The following PCMTD1 variants were observed in gnomAD, a reference collection of about 807,000 sequenced individuals.
PCMTD1 encodes protein-L-isoaspartate (D-aspartate) O-methyltransferase domain containing 1.
PCMTD1 carries 12 observed loss-of-function variants against 37.6 expected under a neutral mutation model. The ratio of observed to expected loss-of-function variants is 0.32; its 90% confidence interval spans 0.20 to 0.52. PCMTD1 has a LOEUF of 0.52. PCMTD1 is among the 20% of genes least tolerant of loss of function. The pLI is 0.97. For synonymous variants in PCMTD1, 117 were observed against 135.8 expected (o/e 0.86, Z 0.96); for missense variants, 235 against 421.3 (o/e 0.56, Z 3.87).
chr8:51,870,538 TTAAG>T (rs1010494686), intron 1 of PCMTD1: 3 of 152,224 alleles, frequency 2.0e-5, no homozygotes, highest in African/African-American at 7.2e-5. Context: ...TAAATTTTGT[TTAAG>T]TAGTGATAAC....
chr8:51,826,511 A>C (rs770708351), intron 5 of PCMTD1, among the ~76,000 whole-genome samples: 2 of 152,194 alleles, frequency 1.3e-5, no homozygotes, highest in Non-Finnish European at 2.9e-5. Flanking sequence ...CCCAGAACTT[A>C]AAATATAATA....
At chr8:51,828,863 T>C (rs2037959580) in intron 5 of PCMTD1, among the ~76,000 whole-genome samples, 1 of 152,206 alleles carries the variant, frequency 6.6e-6, no homozygotes, top group African/African-American at 2.4e-5. Context: ...GATACCAGTT[T>C]TTGACTAGAC....
intron 2 of PCMTD1, among the ~76,000 whole-genome samples, chr8:51,852,189 T>C (rs1440186839): frequency 6.6e-6 from 1 of 152,238 alleles, no homozygotes; most frequent in African/African-American, 2.4e-5. Context: ...GAGATGTGTC[T>C]TGAACACTTC....
chr8:51,851,839 G>A (rs979935669), intron 2 of PCMTD1, among the ~76,000 whole-genome samples: 1 of 151,934 alleles, frequency 6.6e-6, no homozygotes, highest in Non-Finnish European at 1.5e-5. Flanking sequence ...TAGTAGGCAC[G>A]GGGTTTCTCC....
Position 51,899,010 on chromosome 8 carries a change from A to G in PCMTD1, c.-176T>C, listed in dbSNP as rs906346774. 4 of 1,512,890 alleles carry G rather than the reference A, an allele frequency of 2.6e-6. No individual in the cohort carries two copies. Among genetic ancestry groups the G allele is most frequent in the East Asian group, 2.6e-5 (1 of 38,638 alleles). 93.7% of individuals were successfully genotyped at this position (1,512,890 alleles called of 1,614,324 possible). The stretch of plus-strand genomic sequence containing the variant: ...GCAGCCAGACGCCGCTACCACCACA[A>G]TAACAACACGGACGCCACCGCCGAG... On this transcript the variant is annotated 5_prime_UTR_variant, in exon 1 of 6. Coordinates refer to ENST00000522514, the MANE Select transcript of PCMTD1 (RefSeq NM_052937.4).
chr8:51,831,225 G>A (rs1214808693), intron 5 of PCMTD1, among the ~76,000 whole-genome samples: 2 of 151,890 alleles, frequency 1.3e-5, no homozygotes, highest in Non-Finnish European at 1.5e-5. Context: ...TTGAACCCAG[G>A]AGGCAGACGT....
At chr8:51,851,444 G>C (rs180971091) in intron 2 of PCMTD1, among the ~76,000 whole-genome samples, 1 of 152,076 alleles carries the variant, frequency 6.6e-6, no homozygotes, top group Admixed American at 6.5e-5. Context: ...CAGATGTCAC[G>C]ATTAGTTCAT....
intron 2 of PCMTD1, chr8:51,850,210 A>C (rs184376374): frequency 9.0e-4 from 544 of 606,978 alleles, no homozygotes; most frequent in African/African-American, 7.0e-3. Flanking sequence ...GTATAATAGT[A>C]GTCCCTGGGA....
chr8:51,837,248 A>G (rs958509280), intron 3 of PCMTD1, among the ~76,000 whole-genome samples: 1 of 152,116 alleles, frequency 6.6e-6, no homozygotes, highest in Non-Finnish European at 1.5e-5. Flanking sequence ...AGTAATTGCA[A>G]CTCCACTTCT....
chr8:51,822,586 A>C (rs1373698685), intron 5 of PCMTD1, among the ~76,000 whole-genome samples: 1 of 152,234 alleles, frequency 6.6e-6, no homozygotes, highest in African/African-American at 2.4e-5. Flanking sequence ...CACCATTTTC[A>C]ATGTTTTACA....
chr8:51,830,722 T>A (rs1331582968), intron 5 of PCMTD1, among the ~76,000 whole-genome samples: 1 of 152,256 alleles, frequency 6.6e-6, no homozygotes, highest in Admixed American at 6.5e-5. Context: ...AAGCCTTTTG[T>A]ATTTATTGTC....
intron 1 of PCMTD1, among the ~76,000 whole-genome samples, chr8:51,891,511 G>GC (rs1461079672): frequency 6.6e-6 from 1 of 151,738 alleles, no homozygotes; most frequent in Non-Finnish European, 1.5e-5. Context: ...AGCCGAGATC[G>GC]CACTACTGCA....
chr8:51,879,766 A>C (rs2129291714), intron 1 of PCMTD1, among the ~76,000 whole-genome samples: 1 of 152,382 alleles, frequency 6.6e-6, no homozygotes. Flanking sequence ...TATCTGGCAA[A>C]GCACACAGTA....
At chr8:51,898,358 GT>G (rs1310675315) in intron 1 of PCMTD1, among the ~76,000 whole-genome samples, 55 of 152,208 alleles carry the variant, frequency 3.6e-4, no homozygotes, top group African/African-American at 1.2e-3. Context: ...CCCCGGAACG[GT>G]AGTAGACGCT....
intron 3 of PCMTD1, among the ~76,000 whole-genome samples, chr8:51,834,950 C>T (rs1360344694): frequency 3.9e-5 from 6 of 152,146 alleles, no homozygotes; most frequent in Admixed American, 3.9e-4. Flanking sequence ...ATTTCTTTTA[C>T]TATAACTGTC....
Position 51,841,463 on chromosome 8 carries a change from T to C in PCMTD1, c.410+4198A>G, listed in dbSNP as rs78789309. Among the ~76,000 whole-genome samples the C allele has an allele frequency of 1.3e-3, 202 of 152,326 alleles. 1 individual carries two copies. The highest frequency in any genetic ancestry group is 4.6e-3 in the African/African-American group (192 of 41,590). ...TAAGTCACCTAAAAGGGGACGAATA[T>C]AGGATCTATTGGCCTAATTAATGCT... is the stretch of plus-strand genomic sequence containing the variant. On this transcript the variant is annotated intron_variant, in intron 3 of 5. Coordinates refer to ENST00000522514, the MANE Select transcript of PCMTD1 (RefSeq NM_052937.4).
intron 5 of PCMTD1, among the ~76,000 whole-genome samples, chr8:51,827,684 T>G (rs143899414): frequency 0.025 from 3,781 of 152,230 alleles, 162 homozygotes; most frequent in African/African-American, 0.085. Context: ...GTTTAATAAC[T>G]CCCATATATC....
chr8:51,864,026 G>GA (rs979875498), intron 1 of PCMTD1, among the ~76,000 whole-genome samples: 1 of 152,062 alleles, frequency 6.6e-6, no homozygotes, highest in African/African-American at 2.4e-5. Context: ...TGCCGCCTAT[G>GA]AAAAAGACTC....
chr8:51,875,342 A>G (rs528327262), intron 1 of PCMTD1, among the ~76,000 whole-genome samples: 1 of 152,308 alleles, frequency 6.6e-6, no homozygotes, highest in Non-Finnish European at 1.5e-5. Flanking sequence ...CTCCAAACAC[A>G]TATTATATAA....
Sources: allele counts gnomAD v4.1 joint callset (sites outside exome capture counted in the v4.1 genomes callset), GRCh38; gene constraint gnomAD v4.1.1; transcripts MANE v1.5; gene names NCBI Gene and HGNC (gene_info 2026-07-23, HGNC 2026-07-21).